The following PDIA5 variants were observed in gnomAD, a reference collection of about 807,000 sequenced individuals.
The protein encoded by PDIA5 is protein disulfide isomerase family A member 5.
Under a neutral mutation model 77.6 loss-of-function variants are expected in PDIA5, and 58 were observed. That is an observed-to-expected ratio of 0.75 (90% confidence interval 0.61 to 0.93). The LOEUF (loss-of-function observed/expected upper bound fraction) is 0.93, where lower values mean the gene tolerates loss of function less well. Ranked by LOEUF, PDIA5 falls within the 40% of genes least tolerant of loss-of-function variation. PDIA5 has a pLI of 0.00. For missense variants in PDIA5, 630 were observed against 647.7 expected (o/e 0.97, Z 0.30); for synonymous variants, 250 against 252.1 (o/e 0.99, Z 0.08).
At chr3:123,137,437 T>C (rs1009482224) in intron 11 of PDIA5, among the ~76,000 whole-genome samples, 1 of 152,266 alleles carries the variant, frequency 6.6e-6, no homozygotes, top group African/African-American at 2.4e-5. Flanking sequence ...TTCTGTGTTT[T>C]CCATGTTCCA....
chr3:123,091,250 G>T (rs1445004951), intron 2 of PDIA5, among the ~76,000 whole-genome samples: 1 of 152,144 alleles, frequency 6.6e-6, no homozygotes, highest in Non-Finnish European at 1.5e-5. Context: ...GGCTCAGCAT[G>T]CTCTGTATTC....
At chr3:123,115,697 A>T (rs1362414644) in intron 7 of PDIA5, among the ~76,000 whole-genome samples, 2 of 152,250 alleles carry the variant, frequency 1.3e-5, no homozygotes. Flanking sequence ...GTTCACCATC[A>T]GCCTGCCTCT....
chr3:123,076,025 G>A (rs1037030867), intron 1 of PDIA5, among the ~76,000 whole-genome samples: 1 of 152,176 alleles, frequency 6.6e-6, no homozygotes, highest in African/African-American at 2.4e-5. Flanking sequence ...GGATTTGGGG[G>A]TTTGTGGACA....
Position 123,067,169 on chromosome 3 carries a change from C to G in PDIA5, c.5C>G (p.Ala2Gly). M[A>G]RAGPAWLLLA... The stretch of plus-strand genomic sequence containing the variant: ...GCGGTGGGCAGCGCTGCTGGGATGG[C>G]GCGGGCCGGGCCGGCGTGGCTGCTG... The change falls in exon 1 of 17, where the codon GCG (alanine) becomes GGG (glycine). Residue 2 changes from alanine (A) to glycine (G), a missense_variant. Ala to Gly is a moderately conservative substitution (Grantham distance 60). Coordinates refer to ENST00000316218, the MANE Select transcript of PDIA5 (RefSeq NM_006810.4). 8.0e-7 allele frequency: 1 copy of G among 1,246,394 alleles called. No individual in the cohort carries two copies. The allele number at this position is 1,246,394 out of a possible 1,614,324, so 77.2% of individuals were successfully genotyped here. A position where few individuals can be genotyped will look rare whatever the true frequency, so the allele number is the denominator to read the frequency against.
chr3:123,070,102 AAAGAAG>A (rs1364578892), intron 1 of PDIA5, among the ~76,000 whole-genome samples: 41 of 151,880 alleles, frequency 2.7e-4, no homozygotes, highest in Non-Finnish European at 5.3e-4. Flanking sequence ...AAAAAAAAAA[AAAGAAG>A]AAGAAGAAGA....
At chr3:123,159,209 C>T (rs935012664) in intron 15 of PDIA5, among the ~76,000 whole-genome samples, 4 of 152,246 alleles carry the variant, frequency 2.6e-5, no homozygotes, top group South Asian at 2.1e-4. Context: ...GCTCCTGGCC[C>T]GGGCTGGGCA....
chr3:123,133,397 T>C (rs1196755069), intron 11 of PDIA5, among the ~76,000 whole-genome samples: 2 of 152,194 alleles, frequency 1.3e-5, no homozygotes. Flanking sequence ...AGAAACAAAT[T>C]GGGATCCATC....
intron 6 of PDIA5, among the ~76,000 whole-genome samples, 199 bp from the exon 7 acceptor site, chr3:123,110,745 G>A (rs1406559221): frequency 1.3e-5 from 2 of 152,110 alleles, no homozygotes; most frequent in Non-Finnish European, 2.9e-5. Flanking sequence ...CATCTCTGAG[G>A]TTCTTCCAGC....
chr3:123,088,361 T>G (rs183840306), intron 1 of PDIA5, among the ~76,000 whole-genome samples: 1 of 152,302 alleles, frequency 6.6e-6, no homozygotes. Context: ...CATTTCTTGT[T>G]GACTGACCTC....
At chr3:123,150,392 G>A (rs568847757) in intron 14 of PDIA5, 28 bp downstream of exon 14, 1 of 1,606,320 alleles carries the variant, frequency 6.2e-7, no homozygotes, top group African/African-American at 1.3e-5. Context: ...TCACTGAGTG[G>A]CACAGTAAGA....
intron 1 of PDIA5, among the ~76,000 whole-genome samples, chr3:123,075,453 G>T (rs1261322044): frequency 6.6e-6 from 1 of 152,120 alleles, no homozygotes; most frequent in Non-Finnish European, 1.5e-5. Context: ...AGGTAGGAGG[G>T]AAACCAAGTG....
chr3:123,143,980 C>T (rs552330492), intron 11 of PDIA5, among the ~76,000 whole-genome samples: 28 of 152,214 alleles, frequency 1.8e-4, no homozygotes, highest in East Asian at 1.2e-3. Flanking sequence ...GTAGCCACTC[C>T]GGGGTCCCTT....
rs765619247 is a variant in PDIA5, at chr3:123,135,957, G to GT, written c.910+5349dup. Among the ~76,000 whole-genome samples the GT allele has an allele frequency of 1.9e-3, 275 of 145,064 alleles. 3 individuals carry two copies. The highest frequency in any genetic ancestry group is 3.1e-3 in the African/African-American group (122 of 39,224). On this transcript the variant is annotated intron_variant, in intron 11 of 16. Transcript: ENST00000316218. ...TTATTTTATTCATTTATTTATTTCT[G>GT]TTTTTTTTCTTTTCTTTTTTTAGAG...
At chr3:123,097,997 C>A (rs1039580037) in intron 3 of PDIA5, among the ~76,000 whole-genome samples, 1 of 152,198 alleles carries the variant, frequency 6.6e-6, no homozygotes, top group Non-Finnish European at 1.5e-5. Context: ...AGAACCCCAA[C>A]TGTGGCTGAC....
intron 10 of PDIA5, 45 bp downstream of exon 10, chr3:123,124,388 G>A (rs374994615): frequency 2.3e-5 from 32 of 1,415,468 alleles, no homozygotes; most frequent in African/African-American, 1.1e-4. Context: ...CCCAGAGGGC[G>A]GGGCATCTGC....
chr3:123,138,592 A>G (rs1414311365), intron 11 of PDIA5, among the ~76,000 whole-genome samples: 2 of 152,248 alleles, frequency 1.3e-5, no homozygotes, highest in Non-Finnish European at 1.5e-5. Context: ...GCTAACATAA[A>G]GGAAAAAACA....
rs566625408 is a variant in PDIA5, at chr3:123,145,089, G to A, written c.911-433G>A. On this transcript the variant is annotated intron_variant, in intron 11 of 16. Transcript: ENST00000316218. ...CACAGCATGGTGCCACAACCTACAC[G>A]CTGCCTGCAGCTAGGGCCTCTCACC... 13 of 160,208 alleles carry A rather than the reference G, an allele frequency of 8.1e-5. No homozygotes were observed. In the East Asian group the frequency reaches 1.1e-3, roughly 14 times the overall value. The allele number at this position is 160,208 out of a possible 1,614,324, so 9.9% of individuals were successfully genotyped here. A position where few individuals can be genotyped will look rare whatever the true frequency, so the allele number is the denominator to read the frequency against.
chr3:123,133,987 C>CTTTT (rs1553802936), intron 11 of PDIA5, among the ~76,000 whole-genome samples: 54 of 145,114 alleles, frequency 3.7e-4, no homozygotes, highest in South Asian at 6.7e-4. Flanking sequence ...CTTTTCTTTT[C>CTTTT]CTTTTCTTTT....
chr3:123,159,311 A>T (rs1936098452), intron 15 of PDIA5, among the ~76,000 whole-genome samples: 1 of 152,140 alleles, frequency 6.6e-6, no homozygotes, highest in South Asian at 2.1e-4. Context: ...GAGAAATGGA[A>T]CCCCACAATT....
Sources: allele counts gnomAD v4.1 joint callset (sites outside exome capture counted in the v4.1 genomes callset), GRCh38; gene constraint gnomAD v4.1.1; transcripts MANE v1.5; gene names NCBI Gene and HGNC (gene_info 2026-07-23, HGNC 2026-07-21).